Variants in DNAH10 observed in about 807,000 individuals in gnomAD.
DNAH10 encodes axonemal beta dynein heavy chain 10.
A neutral mutation model predicts 506.6 loss-of-function variants in DNAH10; 348 were observed. The ratio of observed to expected loss-of-function variants is 0.69; its 90% CI spans 0.63 to 0.75. DNAH10 has a LOEUF of 0.75. DNAH10 is among the 30% of genes least tolerant of loss of function. The pLI is 0.00. For synonymous variants in DNAH10, 2,059 were observed against 2,198.6 expected (o/e 0.94, Z 1.78); for missense variants, 5,179 against 5,787.1 (o/e 0.89, Z 3.41).
Position 123,930,425 on chromosome 12 carries a change from C to A in DNAH10, c.12636C>A (p.Ile4212=), listed in dbSNP as rs768310865. The part of the protein sequence containing the change: ...IGEVMYGGRA[I]DSFDRRILTI... ...AGGTCATGTATGGAGGACGGGCCAT[C>A]GACAGCTTTGATCGCCGCATCCTGA... is the stretch of plus-strand genomic sequence containing the variant. The change falls in exon 73 of 79, where the codon ATC becomes ATA. Residue 4212 remains isoleucine, a synonymous_variant. Transcript: ENST00000673944. 1.3e-6 allele frequency: 2 copies of A among 1,589,076 alleles called. No individual in the cohort carries two copies. Among genetic ancestry groups the A allele is most frequent in the Non-Finnish European group, 1.7e-6 (2 of 1,171,002 alleles).
intron 62 of DNAH10, 138 bp downstream of exon 62, chr12:123,915,137 A>G: frequency 1.6e-6 from 2 of 1,249,412 alleles, no homozygotes; most frequent in South Asian, 1.6e-5. Context: ...CCCCATGCGG[A>G]GCCCTCCCCC....
Position 123,914,423 on chromosome 12 carries a change from T to G in DNAH10, c.10447T>G (p.Phe3483Val). 6.2e-7 allele frequency: 1 copy of G among 1,613,734 alleles called. No homozygotes were observed. The highest frequency in any genetic ancestry group is 2.2e-5 in the East Asian group (1 of 44,870). Residue 3483 changes from phenylalanine to valine, a missense_variant, in exon 61 of 79, where the codon TTC (phenylalanine) becomes GTC (valine). Phe to Val is a conservative substitution (Grantham distance 50). Coordinates refer to ENST00000673944, the MANE Select transcript of DNAH10 (RefSeq NM_001372106.1). ...GGCTTTCCTCAGCTACGAGGGAGCCTTCACCTGGGAGTTCCGTGACGAGAT... is the reference window on the plus strand; with the variant it reads ...GGCTTTCCTCAGCTACGAGGGAGCCGTCACCTGGGAGTTCCGTGACGAGAT... The part of the protein sequence containing the change: ...CAAFLSYEGA[F>V]TWEFRDEMVN...
chr12:123,873,693 G>A lies in DNAH10; in HGVS notation c.7921G>A (p.Asp2641Asn), dbSNP rs766431922. Reference protein sequence around the residue: ...MGKRLLVFMDDMNMPRVDEYG... With the variant: ...MGKRLLVFMDNMNMPRVDEYG... ...AAAACGCCTGCTGGTGTTCATGGAT[G>A]ACATGAATATGCCAAGGGTAGTTTG... Residue 2641 changes from aspartate to asparagine, a missense_variant, in exon 46 of 79, where the codon GAC (aspartate) becomes AAC (asparagine). By Grantham distance (23) the Asp-to-Asn change is conservative. Around this residue, in one of 3 missense-constraint regions of DNAH10, gnomAD observed 4,844 missense variants for 5,430.5 expected, o/e 0.89. Coordinates refer to ENST00000673944, the MANE Select transcript of DNAH10 (RefSeq NM_001372106.1). The A allele has an allele frequency of 1.9e-6, 3 of 1,610,710 alleles. No individual in the cohort carries two copies. The highest frequency in any genetic ancestry group is 2.5e-6 in the Non-Finnish European group (3 of 1,178,392).
Position 123,928,625 on chromosome 12 carries a change from A to C in DNAH10, c.12306+38A>C. 6.4e-7 allele frequency: 1 copy of C among 1,554,130 alleles called. No homozygotes were observed. The highest frequency in any genetic ancestry group is 8.7e-7 in the Non-Finnish European group (1 of 1,149,030). ...GATGGACATCAACATGCCAGCACGCAGCTTCTCAGAACACCTGCATGCTGC... is the reference window on the plus strand; with the variant it reads ...GATGGACATCAACATGCCAGCACGCCGCTTCTCAGAACACCTGCATGCTGC... On this transcript the variant is annotated intron_variant, in intron 70 of 78. Transcript: ENST00000673944. This position sits in a 1 kb window ranked among gnomAD's most constrained non-coding sequence, Gnocchi z 4.9.
chr12:123,909,467 C>A lies in DNAH10; in HGVS notation c.9997+25C>A. 6.5e-7 allele frequency: 1 copy of A among 1,529,548 alleles called. No individual in the cohort carries two copies. Among genetic ancestry groups the A allele is most frequent in the African/African-American group, 1.4e-5 (1 of 73,272 alleles). 94.7% of individuals were successfully genotyped at this position (1,529,548 alleles called of 1,614,324 possible). ...GGTGAGTGTAGCCACGTGTGGGAAT[C>A]GCCAGGGTGGATCTCGGTCTGGCAT... On this transcript the variant is annotated intron_variant, in intron 58 of 78. Transcript: ENST00000673944. The surrounding 1 kb of genome is among the most constrained non-coding windows in gnomAD (Gnocchi z 5.4).
chr12:123,787,700 C>T lies in DNAH10; in HGVS notation c.1422-104C>T, dbSNP rs1957911607. On this transcript the variant is annotated intron_variant, in intron 9 of 78. Coordinates refer to ENST00000673944, the MANE Select transcript of DNAH10 (RefSeq NM_001372106.1). This position sits in a 1 kb window ranked among gnomAD's most constrained non-coding sequence, Gnocchi z 4.6. ...GATGAGGCCGTGAAACCAGGGGGGG[C>T]GCCCGGGTCAGAGCTTCACGGGACA... The T allele has an allele frequency of 4.3e-6, 6 of 1,381,440 alleles. No homozygotes were observed. Among genetic ancestry groups the T allele is most frequent in the African/African-American group, 1.5e-5 (1 of 68,908 alleles). The allele number at this position is 1,381,440 out of a possible 1,614,324, so 85.6% of individuals were successfully genotyped here. A position where few individuals can be genotyped will look rare whatever the true frequency, so the allele number is the denominator to read the frequency against.
At position 123,863,845 on chromosome 12, in the gene DNAH10, C is replaced by T. The variant is rs76663707; in HGVS notation, c.6909-750C>T. Among the ~76,000 whole-genome samples, 182 of 152,336 alleles carry T rather than the reference C, an allele frequency of 1.2e-3. 4 individuals are homozygous for T. The East Asian group carries it at 0.035, about 29-fold the overall frequency. On this transcript the variant is annotated intron_variant, in intron 39 of 78. Transcript: ENST00000673944. Reference sequence around the variant, plus strand: ...CCACTACACATGGACATCCAAAATACTTTCTTTATTCTTGACTGTACCACA... The same window carrying T: ...CCACTACACATGGACATCCAAAATATTTTCTTTATTCTTGACTGTACCACA...
chr12:123,914,440 T>C lies in DNAH10; in HGVS notation c.10464T>C (p.Arg3488=), dbSNP rs1384442251. The change falls in exon 61 of 79, where the codon CGT becomes CGC. Residue 3488 remains arginine, a synonymous_variant. Coordinates refer to ENST00000673944, the MANE Select transcript of DNAH10 (RefSeq NM_001372106.1). ...AGGGAGCCTTCACCTGGGAGTTCCG[T>C]GACGAGATGGTCAATCGGATTTGGC... ...SYEGAFTWEF[R]DEMVNRIWQN... 2 of 1,613,762 alleles carry C rather than the reference T, an allele frequency of 1.2e-6. No individual in the cohort carries two copies. The highest frequency in any genetic ancestry group is 1.7e-6 in the Non-Finnish European group (2 of 1,179,896).
At chr12:123,908,376 G>GC (rs1953908048) in intron 57 of DNAH10, 2 of 456,138 alleles carry the variant, frequency 4.4e-6, no homozygotes, top group Admixed American at 4.7e-5. Flanking sequence ...CCCCTGCCTG[G>GC]CCGCCCCCAC....
chr12:123,903,005 C>A lies in DNAH10; in HGVS notation c.9707C>A (p.Ala3236Asp). Residue 3236 changes from alanine to aspartate, a missense_variant, in exon 57 of 79, where the codon GCC becomes GAC. This residue lies in a region of DNAH10 where 4,844 missense variants were observed against 5,430.5 expected (regional missense o/e 0.89). Coordinates refer to ENST00000673944, the MANE Select transcript of DNAH10 (RefSeq NM_001372106.1). This position sits in a 1 kb window ranked among gnomAD's most constrained non-coding sequence, Gnocchi z 4.6. ...MEIEEQNKVI[A>D]MEKAEAETTL... Reference sequence around the variant, plus strand: ...ATAGAGGAGCAGAACAAAGTCATTGCCATGGAGAAGGCCGAGGCCGAGACG... The same window carrying A: ...ATAGAGGAGCAGAACAAAGTCATTGACATGGAGAAGGCCGAGGCCGAGACG... 6.2e-7 allele frequency: 1 copy of A among 1,600,586 alleles called. No homozygotes were observed. The highest frequency in any genetic ancestry group is 1.1e-5 in the South Asian group (1 of 88,536).
At chr12:123,899,139 G>T (rs1473141185) in intron 56 of DNAH10, among the ~76,000 whole-genome samples, 1 of 152,098 alleles carries the variant, frequency 6.6e-6, no homozygotes, top group Non-Finnish European at 1.5e-5. Context: ...AAGTCCGTGG[G>T]GTTGAAATGA....
In DNAH10 at chr12:123,907,804, C is replaced by T. The variant is rs1274320971; in HGVS notation, c.9816-1457C>T. Among the ~76,000 whole-genome samples the T allele has an allele frequency of 6.6e-6, 1 of 152,180 alleles. No individual in the cohort carries two copies. Among genetic ancestry groups the T allele is most frequent in the Non-Finnish European group, 1.5e-5 (1 of 68,026 alleles). On this transcript the variant is annotated intron_variant, in intron 57 of 78. Transcript: ENST00000673944. This position sits in a 1 kb window ranked among gnomAD's most constrained non-coding sequence, Gnocchi z 4.4. ...ACCCTGAAGGGACCTTTTAAAGACA[C>T]TTGACAGCCCCGCCGCTTTCCTAAG...
chr12:123,924,909 A>G (rs537183513), intron 67 of DNAH10, 141 bp from the exon 68 acceptor site: 2 of 1,087,198 alleles, frequency 1.8e-6, no homozygotes, highest in South Asian at 1.7e-5. Context: ...GTAGAGAATG[A>G]CAGATCTGAC....
rs1242530836 is a variant in DNAH10 at position 123,804,874 on chromosome 12, A to T, written c.2821A>T (p.Ser941Cys). Reference sequence around the variant, plus strand: ...TGAACACATTGAGCGAGAAAGGGCCAGCGACGTGGACCACATGGTCCGGTG... The same window carrying T: ...TGAACACATTGAGCGAGAAAGGGCCTGCGACGTGGACCACATGGTCCGGTG... ...FFEHIERERA[S>C]DVDHMVRWYL... is the part of the protein sequence containing the mutation. Residue 941 changes from serine to cysteine, a missense_variant, in exon 18 of 79, where the codon AGC becomes TGC. Physicochemically the swap from Ser to Cys is moderately radical, Grantham distance 112. Transcript: ENST00000673944. 6.2e-7 allele frequency: 1 copy of T among 1,612,968 alleles called. No homozygotes were observed. The highest frequency in any genetic ancestry group is 1.3e-5 in the African/African-American group (1 of 74,884).
rs200936263 is a variant in DNAH10, at chr12:123,887,094, G to C, written c.8824-48G>C. The C allele has an allele frequency of 1.3e-3, 2,065 of 1,543,250 alleles. 2 individuals are homozygous for C. Among genetic ancestry groups the C allele is most frequent in the Non-Finnish European group, 1.6e-3 (1,885 of 1,144,084 alleles). On this transcript the variant is annotated intron_variant, in intron 51 of 78. Transcript: ENST00000673944. ...TCCCCACCCCGGAGCCCGCAGGGAA[G>C]GGAGGCTGGTGGTGGTGACGCCCAT...
intron 17 of DNAH10, among the ~76,000 whole-genome samples, chr12:123,804,522 C>T (rs970829518): frequency 1.4e-5 from 2 of 144,842 alleles, no homozygotes; most frequent in Non-Finnish European, 3.0e-5. Flanking sequence ...AGTGAGACTC[C>T]GTCTCAAAAA....
At position 123,846,617 on chromosome 12, in the gene DNAH10, G is replaced by A. The variant is rs929035639; in HGVS notation, c.5814+463G>A. Among the ~76,000 whole-genome samples the A allele has an allele frequency of 1.3e-5, 2 of 152,178 alleles. No homozygotes were observed. Among genetic ancestry groups the A allele is most frequent in the South Asian group, 2.1e-4 (1 of 4,822 alleles). Reference sequence around the variant, plus strand: ...TTCCATCCAGGCAGAGCTTGGGAAGGTTTGCAAGCAACCCCCAAGACTGTT... The same window carrying A: ...TTCCATCCAGGCAGAGCTTGGGAAGATTTGCAAGCAACCCCCAAGACTGTT... On this transcript the variant is annotated intron_variant, in intron 32 of 78. Coordinates refer to ENST00000673944, the MANE Select transcript of DNAH10 (RefSeq NM_001372106.1). This position sits in a 1 kb window ranked among gnomAD's most constrained non-coding sequence, Gnocchi z 4.5.
rs79953439 is a variant in DNAH10 at position 123,893,248 on chromosome 12, T to C, written c.9011T>C (p.Leu3004Pro). The change falls in exon 53 of 79, where the codon CTT (leucine) becomes CCT (proline). Residue 3004 changes from leucine to proline, a missense_variant. Transcript: ENST00000673944. The part of the protein sequence containing the change: ...NMLTSGIVPA[L>P]FSEEEKESIL... ...CCTTTTCCAGGAATTGTACCTGCGC[T>C]TTTTTCTGAAGAGGAGAAAGAGTCT... 1 of 1,614,022 alleles carries C rather than the reference T, an allele frequency of 6.2e-7. No homozygotes were observed. Among genetic ancestry groups the C allele is most frequent in the African/African-American group, 1.3e-5 (1 of 75,066 alleles).
chr12:123,895,144 G>A (rs117011442), intron 54 of DNAH10, among the ~76,000 whole-genome samples: 3,051 of 152,342 alleles, frequency 0.02, 60 homozygotes, highest in Non-Finnish European at 0.027. Context: ...GCTCTTTGTA[G>A]AAAACATGTG....
Sources: allele counts gnomAD v4.1 joint callset (sites outside exome capture counted in the v4.1 genomes callset), GRCh38; gene constraint gnomAD v4.1.1; regional missense constraint gnomAD v4.1.1; non-coding constraint Gnocchi (gnomAD v3.1); transcripts MANE v1.5; gene names NCBI Gene and HGNC (gene_info 2026-07-23, HGNC 2026-07-21).